Variants in RTL4 observed in about 807,000 individuals in gnomAD.
RTL4 encodes the protein retrotransposon Gag-like protein 4.
A neutral mutation model predicts 5.3 loss-of-function variants in RTL4; 4 were observed. That is an observed-to-expected ratio of 0.75 (90% confidence interval 0.37 to 1.72). The LOEUF (loss-of-function observed/expected upper bound fraction) is 1.72, where lower values mean the gene tolerates loss of function less well. Ranked by LOEUF, RTL4 falls within the 40% of genes most tolerant of loss-of-function variation. RTL4 has a pLI of 0.04. For synonymous variants in RTL4, 98 were observed against 87.3 expected (o/e 1.12, Z -0.68); for missense variants, 260 against 227.1 (o/e 1.14, Z -0.93).
chrX:112,341,993 G>A, the RTL4 span, among the ~76,000 whole-genome samples: 20 of 111,319 alleles, frequency 1.8e-4, no homozygotes, highest in Admixed American at 1.8e-3. Context: ...TCTCCAGAGG[G>A]TATTTGCATT....
the RTL4 span, among the ~76,000 whole-genome samples, chrX:112,142,961 T>C: frequency 4.5e-5 from 5 of 110,814 alleles, no homozygotes; most frequent in Non-Finnish European, 9.4e-5. Flanking sequence ...CCCGAGTAGC[T>C]GGGATTACAG....
chrX:112,393,801 G>T, the RTL4 span, among the ~76,000 whole-genome samples: 1 of 111,766 alleles, frequency 8.9e-6, no homozygotes, highest in Non-Finnish European at 1.9e-5. Context: ...TATCCTGTGG[G>T]GTGTCACGGA....
At chrX:112,109,255 A>T in the RTL4 span, among the ~76,000 whole-genome samples, 4 of 111,848 alleles carry the variant, frequency 3.6e-5, no homozygotes, top group African/African-American at 1.3e-4. Context: ...GGTTCCTTCC[A>T]GTGGATTCTT....
the RTL4 span, among the ~76,000 whole-genome samples, chrX:112,161,733 T>G: frequency 9.0e-6 from 1 of 110,774 alleles, no homozygotes; most frequent in African/African-American, 3.3e-5. Flanking sequence ...AAGAATATAT[T>G]CTTTATCTTT....
At chrX:112,165,055 G>A in the RTL4 span, among the ~76,000 whole-genome samples, 1 of 111,277 alleles carries the variant, frequency 9.0e-6, no homozygotes, top group Non-Finnish European at 1.9e-5. Context: ...CCCACACCAG[G>A]GGTGTCTCCT....
chrX:112,151,782 TCTAA>T, the RTL4 span, among the ~76,000 whole-genome samples: 5 of 111,510 alleles, frequency 4.5e-5, no homozygotes, highest in Admixed American at 3.8e-4. Context: ...CAATGACTAA[TCTAA>T]CTATTTTTCA....
the RTL4 span, among the ~76,000 whole-genome samples, chrX:112,239,447 G>T: frequency 9.0e-6 from 1 of 111,726 alleles, no homozygotes; most frequent in Admixed American, 9.5e-5. Context: ...GAATGATGAG[G>T]TGTAAGGCAG....
chrX:112,094,048 T>C, the RTL4 span, among the ~76,000 whole-genome samples: 1 of 111,706 alleles, frequency 9.0e-6, no homozygotes, highest in Admixed American at 9.5e-5. Flanking sequence ...GGAATTCATG[T>C]TAGAAGGATC....
chrX:112,455,223 T>C (rs1014404235), exon 1 of RTL4: 1 of 1,211,595 alleles, frequency 8.3e-7, no homozygotes. Flanking sequence ...ACCCTGCTAC[T>C]TTCCACCTCC....
chrX:112,178,190 A>T, the RTL4 span, among the ~76,000 whole-genome samples: 1 of 111,429 alleles, frequency 9.0e-6, no homozygotes, highest in Non-Finnish European at 1.9e-5. Flanking sequence ...CTGTTTAGCC[A>T]AGCTCCCCTT....
chrX:112,343,417 ATTG>A, the RTL4 span, among the ~76,000 whole-genome samples: 1 of 111,623 alleles, frequency 9.0e-6, no homozygotes, highest in African/African-American at 3.3e-5. Flanking sequence ...GAGGATTTAA[ATTG>A]TTTACTCTTC....
chrX:112,380,044 T>G, the RTL4 span, among the ~76,000 whole-genome samples: 1 of 111,758 alleles, frequency 8.9e-6, no homozygotes. Flanking sequence ...TAGGCTTGGC[T>G]TTTCCAAAAT....
chrX:112,316,023 T>A, the RTL4 span, among the ~76,000 whole-genome samples: 204 of 112,268 alleles, frequency 1.8e-3, 1 homozygote, highest in African/African-American at 5.4e-3. Context: ...AGACTGCTCT[T>A]TGGAATGGCT....
the RTL4 span, among the ~76,000 whole-genome samples, chrX:112,159,309 CA>C: frequency 8.9e-6 from 1 of 111,874 alleles, no homozygotes; most frequent in Non-Finnish European, 1.9e-5. Context: ...ATTTCAGCAT[CA>C]CTGCAAGTCA....
the RTL4 span, among the ~76,000 whole-genome samples, chrX:112,328,511 G>A: frequency 9.0e-6 from 1 of 111,493 alleles, no homozygotes; most frequent in Non-Finnish European, 1.9e-5. Flanking sequence ...CATAAAGCAA[G>A]TCCTGAGTGA....
the RTL4 span, among the ~76,000 whole-genome samples, chrX:112,245,466 C>T: frequency 2.7e-5 from 3 of 111,622 alleles, no homozygotes; most frequent in Non-Finnish European, 5.6e-5. Flanking sequence ...CACTGATACC[C>T]TTTCTTCCAT....
At chrX:112,334,213 C>T in the RTL4 span, among the ~76,000 whole-genome samples, 1 of 111,846 alleles carries the variant, frequency 8.9e-6, no homozygotes, top group Non-Finnish European at 1.9e-5. Flanking sequence ...TTGACAGACA[C>T]TTAAGTTGCT....
chrX:112,432,575 G>A, the RTL4 span, among the ~76,000 whole-genome samples: 2 of 92,914 alleles, frequency 2.2e-5, no homozygotes, highest in Admixed American at 1.2e-4. Context: ...TTTTGATGGG[G>A]TTGTTTGTTT....
the RTL4 span, among the ~76,000 whole-genome samples, chrX:112,309,821 TACATATATATACATATATGTATAC>T: frequency 1.9e-5 from 2 of 107,392 alleles, no homozygotes; most frequent in African/African-American, 6.8e-5. Context: ...CACACATATA[TACATATATATACATATATGTATAC>T]ACATATATAC....
Sources: gnomAD v4.1 joint callset for allele counts (sites outside exome capture counted in the v4.1 genomes callset) on GRCh38, gnomAD v4.1.1 for gene constraint, MANE v1.5 for transcripts, NCBI Gene and HGNC (gene_info 2026-07-23, HGNC 2026-07-21) for gene names.